The following DLC1 variants were observed in gnomAD, a reference collection of about 807,000 sequenced individuals.
DLC1 encodes rho GTPase-activating protein 7.
In DLC1, 54 loss-of-function variants were observed where a neutral mutation model predicts 140.3. That is an observed-to-expected ratio of 0.38 (90% confidence interval 0.31 to 0.48). The LOEUF (loss-of-function observed/expected upper bound fraction) is 0.48. Ranked by LOEUF, DLC1 falls within the 20% of genes least tolerant of loss-of-function variation. The probability of loss-of-function intolerance (pLI) is 0.96; values close to 1 mark genes in which losing one functional copy is unlikely to be tolerated. For missense variants in DLC1, 2,536 were observed against 1,907.0 expected, an observed-to-expected ratio of 1.33 and a Z score of -6.14; for synonymous variants, 986 against 728.1, an observed-to-expected ratio of 1.35 and a Z score of -5.70.
intron 5 of DLC1, chr8:13,214,584 C>T (rs200096327): frequency 2.7e-5 from 18 of 659,568 alleles, no homozygotes; most frequent in Non-Finnish European, 3.9e-5. Flanking sequence ...TGTGGCTGCC[C>T]GAGGAAATTG....
At chr8:13,147,852 G>GT (rs1463352934) in intron 5 of DLC1, among the ~76,000 whole-genome samples, 3 of 152,132 alleles carry the variant, frequency 2.0e-5, no homozygotes, top group Non-Finnish European at 4.4e-5. Flanking sequence ...GCTGGGCGTG[G>GT]TGGCAGGCGC....
intron 1 of DLC1, among the ~76,000 whole-genome samples, chr8:13,587,077 TACACACACACAC>T (rs3066501): frequency 3.5e-5 from 5 of 142,806 alleles, no homozygotes; most frequent in Non-Finnish European, 7.7e-5. Flanking sequence ...GAAAATAGTT[TACACACACACAC>T]ACACACACAC....
intron 1 of DLC1, among the ~76,000 whole-genome samples, chr8:13,543,218 A>C (rs1317348791): frequency 6.6e-6 from 1 of 152,202 alleles, no homozygotes; most frequent in Non-Finnish European, 1.5e-5. Flanking sequence ...AAATAATGCA[A>C]AGTAGGAAAT....
chr8:13,487,157 A>G (rs1348027248), intron 2 of DLC1, among the ~76,000 whole-genome samples: 1 of 152,122 alleles, frequency 6.6e-6, no homozygotes, highest in Non-Finnish European at 1.5e-5. Context: ...TGTGCTTGTC[A>G]CCTCTTCTAC....
intron 5 of DLC1, among the ~76,000 whole-genome samples, chr8:13,188,121 T>A: frequency 7.0e-6 from 1 of 143,110 alleles, no homozygotes; most frequent in Non-Finnish European, 1.5e-5. Flanking sequence ...CTTGCTCTTG[T>A]TGCGCAGGCT....
At chr8:13,517,855 G>C (rs191094896), upstream of DLC1, among the ~76,000 whole-genome samples, 1 of 152,168 alleles carries the variant, frequency 6.6e-6, no homozygotes, top group Non-Finnish European at 1.5e-5. Flanking sequence ...ACTAAGAATT[G>C]TCACAATGCA....
At chr8:13,266,069 T>G (rs1289363722) in intron 5 of DLC1, among the ~76,000 whole-genome samples, 3 of 152,188 alleles carry the variant, frequency 2.0e-5, no homozygotes, top group African/African-American at 7.2e-5. Flanking sequence ...ACATAATCAC[T>G]GAAGGACTAA....
At chr8:13,231,793 C>T (rs1172225447) in intron 5 of DLC1, among the ~76,000 whole-genome samples, 2 of 152,172 alleles carry the variant, frequency 1.3e-5, no homozygotes, top group Non-Finnish European at 2.9e-5. Flanking sequence ...TTTGTGAATT[C>T]CTTTTAAACA....
intron 2 of DLC1, among the ~76,000 whole-genome samples, chr8:13,452,680 A>G (rs760969917): frequency 4.6e-5 from 7 of 152,194 alleles, no homozygotes; most frequent in Admixed American, 3.9e-4. Flanking sequence ...ACATATAGCA[A>G]AAATATTAAC....
intron 2 of DLC1, among the ~76,000 whole-genome samples, chr8:13,484,739 C>G (rs1295573591): frequency 6.6e-6 from 1 of 151,910 alleles, no homozygotes; most frequent in African/African-American, 2.4e-5. Context: ...CAACAGTAGG[C>G]AAGGTAAATA....
At chr8:13,255,680 C>G in intron 5 of DLC1, among the ~76,000 whole-genome samples, 1 of 152,184 alleles carries the variant, frequency 6.6e-6, no homozygotes, top group East Asian at 1.9e-4. Context: ...CTGTTCCCTT[C>G]TCTCCTACTT....
At chr8:13,297,292 A>AAACAAAAAAAAAAAAAAAAAC (rs1831998081) in intron 5 of DLC1, among the ~76,000 whole-genome samples, 1 of 144,454 alleles carries the variant, frequency 6.9e-6, no homozygotes, top group African/African-American at 2.6e-5. Context: ...TAAAAAAAAA[A>AAACAAAAAAAAAAAAAAAAAC]AAAACTGAAG....
intron 2 of DLC1, among the ~76,000 whole-genome samples, chr8:13,457,266 T>C (rs1233275794): frequency 6.6e-6 from 1 of 152,212 alleles, no homozygotes; most frequent in Admixed American, 6.5e-5. Context: ...TTGAATTATA[T>C]AAAATATGAT....
rs1392698561 is a variant in DLC1, at chr8:13,098,513, A to G, written c.3053T>C (p.Leu1018Pro). 2 of 1,614,060 alleles carry G rather than the reference A, an allele frequency of 1.2e-6. No individual in the cohort carries two copies. Among genetic ancestry groups the G allele is most frequent in the Non-Finnish European group, 1.7e-6 (2 of 1,180,002 alleles). Reference sequence around the variant, plus strand: ...GGCCACAGACTGGCAGTTAATCTGTAGTGATACAGAGTTGAGGCTTGGCCG... The same window carrying G: ...GGCCACAGACTGGCAGTTAATCTGTGGTGATACAGAGTTGAGGCTTGGCCG... Reference protein sequence around the residue: ...SHRPSLNSVSLQINCQSVAQM... With the variant: ...SHRPSLNSVSPQINCQSVAQM... Residue 1018 changes from leucine to proline, a missense_variant, in exon 10 of 18, where the codon CTA becomes CCA. Coordinates refer to ENST00000276297, the MANE Select transcript of DLC1 (RefSeq NM_182643.3).
At chr8:13,574,169 G>GTA (rs1404040961) in intron 1 of DLC1, among the ~76,000 whole-genome samples, 1 of 152,086 alleles carries the variant, frequency 6.6e-6, no homozygotes, top group Non-Finnish European at 1.5e-5. Flanking sequence ...CTTTCAGCAT[G>GTA]TATATATACA....
intron 4 of DLC1, among the ~76,000 whole-genome samples, chr8:13,333,345 C>A (rs1833681314): frequency 6.6e-6 from 1 of 152,102 alleles, no homozygotes; most frequent in South Asian, 2.1e-4. Flanking sequence ...CCCACCTCAG[C>A]CTCCCGAGTA....
intron 1 of DLC1, chr8:13,604,522 G>A (rs1805984100): frequency 6.6e-6 from 1 of 152,142 alleles, no homozygotes; most frequent in African/African-American, 2.4e-5. Context: ...TAAAGTAGAA[G>A]GAAAAGAGTT....
chr8:13,332,931 C>G (rs549824385), intron 4 of DLC1, among the ~76,000 whole-genome samples: 1 of 151,898 alleles, frequency 6.6e-6, no homozygotes, highest in Non-Finnish European at 1.5e-5. Context: ...GCCAAAATCT[C>G]CTGCCCAAAG....
chr8:13,464,404 T>C (rs1169194025), intron 2 of DLC1, among the ~76,000 whole-genome samples: 1 of 152,164 alleles, frequency 6.6e-6, no homozygotes, highest in Non-Finnish European at 1.5e-5. Flanking sequence ...ATCTCAAAAA[T>C]AACAATTTAA....
Sources: gnomAD v4.1 joint callset for allele counts (sites outside exome capture counted in the v4.1 genomes callset) on GRCh38, gnomAD v4.1.1 for gene constraint, MANE v1.5 for transcripts, NCBI Gene and HGNC (gene_info 2026-07-23, HGNC 2026-07-21) for gene names.